SLC24A2: variants seen among roughly 807,000 people sequenced by gnomAD.
The protein encoded by SLC24A2 is solute carrier family 24 member 2, also known as sodium/potassium/calcium exchanger 2.
SLC24A2 carries 36 observed loss-of-function variants against 62.0 expected under a neutral mutation model. The ratio of observed to expected loss-of-function variants is 0.58; its 90% confidence interval spans 0.44 to 0.77. The LOEUF is 0.77. Among genes scored for constraint, SLC24A2 ranks in the 30% least tolerant of loss-of-function variants. SLC24A2 has a pLI of 0.00. For missense variants in SLC24A2, 846 were observed against 817.9 expected (o/e 1.03, Z -0.42); for synonymous variants, 358 against 294.0 (o/e 1.22, Z -2.23).
the SLC24A2 span, among the ~76,000 whole-genome samples, chr9:20,257,279 G>A: frequency 2.0e-5 from 3 of 152,100 alleles, no homozygotes; most frequent in African/African-American, 7.2e-5. Flanking sequence ...AAGGCTTAGA[G>A]ATTTAGGAAC....
chr9:19,777,687 A>G (rs1464161642), intron 2 of SLC24A2, among the ~76,000 whole-genome samples: 1 of 152,178 alleles, frequency 6.6e-6, no homozygotes, highest in Non-Finnish European at 1.5e-5. Flanking sequence ...CTATTTATTT[A>G]AATACATAGG....
At chr9:19,535,540 G>C (rs571076391) in intron 8 of SLC24A2, among the ~76,000 whole-genome samples, 3 of 152,298 alleles carry the variant, frequency 2.0e-5, no homozygotes, top group African/African-American at 7.2e-5. Flanking sequence ...TAAGGTGTAA[G>C]GAAAGGGTCC....
At chr9:20,146,752 G>A in the SLC24A2 span, among the ~76,000 whole-genome samples, 1 of 152,050 alleles carries the variant, frequency 6.6e-6, no homozygotes, top group Non-Finnish European at 1.5e-5. Context: ...CCAAATGCAG[G>A]TAACCCGTAA....
At chr9:20,263,552 G>C in the SLC24A2 span, among the ~76,000 whole-genome samples, 1 of 152,140 alleles carries the variant, frequency 6.6e-6, no homozygotes, top group Non-Finnish European at 1.5e-5. Context: ...ATCCATCAGA[G>C]AAGGATTCTT....
At chr9:19,819,873 G>T in the SLC24A2 span, among the ~76,000 whole-genome samples, 1 of 151,500 alleles carries the variant, frequency 6.6e-6, no homozygotes, top group African/African-American at 2.4e-5. Context: ...CAGAGGAAAA[G>T]AAGTCATTAT....
intron 2 of SLC24A2, among the ~76,000 whole-genome samples, chr9:19,636,076 C>T (rs1166627240): frequency 6.6e-6 from 1 of 152,142 alleles, no homozygotes; most frequent in African/African-American, 2.4e-5. Flanking sequence ...CTCCTTCCTT[C>T]CCTACTTTGC....
At chr9:19,578,596 CA>C (rs2132856860) in intron 5 of SLC24A2, among the ~76,000 whole-genome samples, 1 of 151,716 alleles carries the variant, frequency 6.6e-6, no homozygotes, top group African/African-American at 2.4e-5. Flanking sequence ...AGCATATTAA[CA>C]GGGGATCTCA....
chr9:20,047,877 G>T, the SLC24A2 span, among the ~76,000 whole-genome samples: 1 of 151,770 alleles, frequency 6.6e-6, no homozygotes, highest in Non-Finnish European at 1.5e-5. Flanking sequence ...AAAGCAGGTA[G>T]GTTTGTTTGT....
chr9:20,279,762 T>A, the SLC24A2 span, among the ~76,000 whole-genome samples: 1 of 152,200 alleles, frequency 6.6e-6, no homozygotes, highest in Non-Finnish European at 1.5e-5. Flanking sequence ...AAATTTTTCC[T>A]TGGGTTACTG....
intron 8 of SLC24A2, among the ~76,000 whole-genome samples, chr9:19,544,591 T>C (rs1349339599): frequency 1.3e-5 from 2 of 152,218 alleles, no homozygotes; most frequent in East Asian, 3.8e-4. Context: ...CCATGTTTAG[T>C]GTTTCCTTCA....
the SLC24A2 span, among the ~76,000 whole-genome samples, chr9:19,899,994 C>T: frequency 6.6e-6 from 1 of 152,142 alleles, no homozygotes; most frequent in Non-Finnish European, 1.5e-5. Flanking sequence ...AACCATATCA[C>T]ATGTTATATG....
chr9:20,156,758 G>C, the SLC24A2 span, among the ~76,000 whole-genome samples: 1 of 151,670 alleles, frequency 6.6e-6, no homozygotes, highest in Admixed American at 6.6e-5. Flanking sequence ...CTGTGTATTA[G>C]AGTCTTGCAC....
the SLC24A2 span, among the ~76,000 whole-genome samples, chr9:20,007,649 C>T: frequency 6.6e-6 from 1 of 151,954 alleles, no homozygotes; most frequent in African/African-American, 2.4e-5. Context: ...TTATGTTTCA[C>T]TAATCACTCT....
intron 2 of SLC24A2, among the ~76,000 whole-genome samples, chr9:19,639,549 C>T (rs1818441364): frequency 6.6e-6 from 1 of 152,214 alleles, no homozygotes; most frequent in Admixed American, 6.5e-5. Flanking sequence ...GAACTTACAA[C>T]TAAACAGGGA....
chr9:20,206,098 T>A, the SLC24A2 span, among the ~76,000 whole-genome samples: 1 of 152,266 alleles, frequency 6.6e-6, no homozygotes, highest in East Asian at 1.9e-4. Context: ...TAAATTTTTA[T>A]GTGACAGAGT....
chr9:20,218,624 C>A, the SLC24A2 span, among the ~76,000 whole-genome samples: 1 of 152,080 alleles, frequency 6.6e-6, no homozygotes, highest in Non-Finnish European at 1.5e-5. Flanking sequence ...GTGCTAATGT[C>A]CTGTGAAGTT....
the SLC24A2 span, among the ~76,000 whole-genome samples, chr9:19,899,424 C>A: frequency 1.3e-5 from 2 of 152,148 alleles, no homozygotes; most frequent in African/African-American, 4.8e-5. Context: ...GTCTTGAATG[C>A]AGATTGAGGT....
intron 2 of SLC24A2, among the ~76,000 whole-genome samples, chr9:19,637,374 T>C (rs145603349): frequency 0.01 from 1,537 of 152,288 alleles, 30 homozygotes; most frequent in African/African-American, 0.035. Flanking sequence ...GTTCTAACTG[T>C]TGCCCGACTG....
At chr9:20,042,484 A>G in the SLC24A2 span, among the ~76,000 whole-genome samples, 3 of 152,214 alleles carry the variant, frequency 2.0e-5, no homozygotes, top group South Asian at 2.1e-4. Context: ...AATGAAAACC[A>G]AAGTTATCTA....
Sources: gnomAD v4.1 joint callset for allele counts (sites outside exome capture counted in the v4.1 genomes callset) on GRCh38, gnomAD v4.1.1 for gene constraint, MANE v1.5 for transcripts, NCBI Gene and HGNC (gene_info 2026-07-23, HGNC 2026-07-21) for gene names.